MAN1A1: variants seen among roughly 807,000 people sequenced by gnomAD.
MAN1A1 encodes mannosyl-oligosaccharide 1,2-alpha-mannosidase IA.
MAN1A1 carries 29 observed loss-of-function variants against 70.8 expected under a neutral mutation model. That is an observed-to-expected ratio of 0.41 (90% CI 0.31 to 0.56). The LOEUF (loss-of-function observed/expected upper bound fraction) is 0.56. Ranked by LOEUF, MAN1A1 falls within the 20% of genes least tolerant of loss-of-function variation. The pLI is 0.29. For synonymous variants in MAN1A1, 349 were observed against 330.1 expected, an observed-to-expected ratio of 1.06 and a Z score of -0.62; for missense variants, 747 against 841.3, an observed-to-expected ratio of 0.89 and a Z score of 1.39.
chr6:119,307,984 A>G (rs1049432983), intron 2 of MAN1A1, among the ~76,000 whole-genome samples: 5 of 152,176 alleles, frequency 3.3e-5, no homozygotes, highest in Non-Finnish European at 5.9e-5. Context: ...AGCATCTTTA[A>G]CCAACTTGTA....
chr6:119,213,533 C>T (rs1774108797), intron 6 of MAN1A1, among the ~76,000 whole-genome samples: 1 of 152,112 alleles, frequency 6.6e-6, no homozygotes, highest in South Asian at 2.1e-4. Context: ...TCAATGTGTA[C>T]CCTGTTTTGG....
chr6:119,348,874 G>A lies in MAN1A1; in HGVS notation c.192C>T (p.Asp64=). Residue 64 remains aspartate, a synonymous_variant, in exon 2 of 13, where the codon GAC becomes GAT. Transcript: ENST00000368468. The part of the protein sequence containing the change: ...LCFGAIFFLP[D]SSKLLSGVLF... Reference sequence around the variant, plus strand: ...GGACCCCGCTGAGCAGCTTGGAGGAGTCTGGCAGGAAGAAGATCGCCCCGA... The same window carrying A: ...GGACCCCGCTGAGCAGCTTGGAGGAATCTGGCAGGAAGAAGATCGCCCCGA... The A allele has an allele frequency of 1.3e-6, 2 of 1,533,082 alleles. No homozygotes were observed. The highest frequency in any genetic ancestry group is 8.8e-7 in the Non-Finnish European group (1 of 1,141,962). 95.0% of individuals were successfully genotyped at this position (1,533,082 alleles called of 1,614,324 possible).
intron 2 of MAN1A1, among the ~76,000 whole-genome samples, chr6:119,335,110 CA>C (rs1232755123): frequency 3.9e-5 from 6 of 152,136 alleles, no homozygotes; most frequent in African/African-American, 9.7e-5. Flanking sequence ...AATTTGGCAA[CA>C]ACAACTAAAA....
chr6:119,206,879 G>A (rs954898570), intron 6 of MAN1A1, among the ~76,000 whole-genome samples: 3 of 152,188 alleles, frequency 2.0e-5, no homozygotes, highest in African/African-American at 7.2e-5. Flanking sequence ...GCAATATCAG[G>A]GTAAGAGGAG....
intron 11 of MAN1A1, among the ~76,000 whole-genome samples, chr6:119,184,728 CA>C (rs148243405): frequency 1.3e-5 from 2 of 150,348 alleles, no homozygotes; most frequent in Non-Finnish European, 3.0e-5. Flanking sequence ...CCCCTAAAGC[CA>C]AAAAAAAATC....
At chr6:119,348,087 G>A (rs1424481590) in intron 2 of MAN1A1, among the ~76,000 whole-genome samples, 1 of 152,154 alleles carries the variant, frequency 6.6e-6, no homozygotes, top group Non-Finnish European at 1.5e-5. Context: ...TTAAAGCCAC[G>A]TCCCCAATCC....
At chr6:119,207,824 A>AG (rs1376039881) in intron 6 of MAN1A1, among the ~76,000 whole-genome samples, 1 of 152,076 alleles carries the variant, frequency 6.6e-6, no homozygotes, top group African/African-American at 2.4e-5. Context: ...TCTGGTGGAG[A>AG]GGGGGTCACA....
intron 6 of MAN1A1, among the ~76,000 whole-genome samples, chr6:119,235,996 AGGTGTGGT>A (rs1774832011): frequency 2.6e-5 from 4 of 152,004 alleles, no homozygotes; most frequent in Admixed American, 2.6e-4. Flanking sequence ...AAAATTAACC[AGGTGTGGT>A]GGTGTGCTCC....
chr6:119,294,691 A>G (rs79834487), intron 4 of MAN1A1, among the ~76,000 whole-genome samples: 6,079 of 152,194 alleles, frequency 0.04, 362 homozygotes, highest in African/African-American at 0.13. Context: ...ACCAACCAAT[A>G]AAAAAATCAG....
chr6:119,198,179 A>C (rs1412379905), intron 8 of MAN1A1, among the ~76,000 whole-genome samples: 1 of 152,226 alleles, frequency 6.6e-6, no homozygotes, highest in Admixed American at 6.5e-5. Flanking sequence ...ACCTGAGGTC[A>C]GGAGTTCGAG....
intron 4 of MAN1A1, among the ~76,000 whole-genome samples, chr6:119,299,495 A>AT (rs1772323972): frequency 6.6e-6 from 1 of 152,172 alleles, no homozygotes; most frequent in Non-Finnish European, 1.5e-5. Context: ...TTTTAAAATT[A>AT]TATCTTGAAA....
chr6:119,203,317 C>T (rs781007485), intron 7 of MAN1A1, among the ~76,000 whole-genome samples: 15 of 151,992 alleles, frequency 9.9e-5, no homozygotes, highest in African/African-American at 2.7e-4. Context: ...GAGTAGGCCA[C>T]GTGGAAATGT....
chr6:119,334,623 T>C (rs930569538), intron 2 of MAN1A1, among the ~76,000 whole-genome samples: 4 of 152,218 alleles, frequency 2.6e-5, no homozygotes, highest in Admixed American at 1.3e-4. Flanking sequence ...CAAGAACAAA[T>C]TATTAATTCA....
intron 5 of MAN1A1, among the ~76,000 whole-genome samples, chr6:119,251,103 T>A (rs1325969316): frequency 6.6e-6 from 1 of 152,204 alleles, no homozygotes; most frequent in East Asian, 1.9e-4. Context: ...CCAGGTACTA[T>A]GAAATGCACG....
rs556622829 is a variant in MAN1A1, at chr6:119,184,757, G to T, written c.1719+3648C>A. Among the ~76,000 whole-genome samples the T allele has an allele frequency of 7.2e-4, 110 of 152,068 alleles. 1 individual carries two copies. The Middle Eastern group carries it at 0.024, about 33-fold the overall frequency. ...AAAAAATCCCAAATCCCTAGGTAAG[G>T]CTTTACCCTTTACCATAGATCAGCT... On this transcript the variant is annotated intron_variant, in intron 11 of 12. Coordinates refer to ENST00000368468, the MANE Select transcript of MAN1A1 (RefSeq NM_005907.4).
chr6:119,269,328 C>T, intron 5 of MAN1A1: 1 of 252,686 alleles, frequency 4.0e-6, no homozygotes, highest in Non-Finnish European at 7.8e-6. Context: ...CCCAGATAGG[C>T]AAATTTTCTC....
Position 119,188,463 on chromosome 6 carries a change from T to C in MAN1A1, c.1661A>G (p.Tyr554Cys). The C allele has an allele frequency of 6.2e-7, 1 of 1,614,002 alleles. No individual in the cohort carries two copies. The highest frequency in any genetic ancestry group is 8.5e-7 in the Non-Finnish European group (1 of 1,179,906). ...TGGATCATGAGTCAGTCTCCACATA[T>C]ACATGTAAGTCTCCATAACTTCTGG... ...LRPEVMETYM[Y>C]MWRLTHDPKY... Residue 554 changes from tyrosine (Y) to cysteine (C), a missense_variant, in exon 11 of 13, where the codon TAT becomes TGT. Tyr to Cys is a radical substitution (Grantham distance 194, BLOSUM62 -2). Transcript: ENST00000368468.
chr6:119,253,024 G>A (rs762539713), intron 5 of MAN1A1, among the ~76,000 whole-genome samples: 1 of 152,024 alleles, frequency 6.6e-6, no homozygotes, highest in Non-Finnish European at 1.5e-5. Context: ...GGTGCCTCAT[G>A]AGCTGAGTGA....
At chr6:119,307,046 C>T in intron 2 of MAN1A1, 54 bp from the exon 3 acceptor site, 1 of 1,201,460 alleles carries the variant, frequency 8.3e-7, no homozygotes, top group Non-Finnish European at 1.2e-6. Context: ...GTTTTTGCTA[C>T]AAAATAGGTA....
Sources: gnomAD v4.1 joint callset for allele counts (sites outside exome capture counted in the v4.1 genomes callset) on GRCh38, gnomAD v4.1.1 for gene constraint, MANE v1.5 for transcripts, NCBI Gene and HGNC (gene_info 2026-07-23, HGNC 2026-07-21) for gene names.